The following ST8SIA1 variants were observed in gnomAD, a reference collection of about 807,000 sequenced individuals.
ST8SIA1 encodes the protein alpha-N-acetylneuraminide alpha-2,8-sialyltransferase.
A neutral mutation model predicts 35.9 loss-of-function variants in ST8SIA1; 16 were observed. The ratio of observed to expected loss-of-function variants is 0.45; its 90% CI spans 0.30 to 0.68. The LOEUF (loss-of-function observed/expected upper bound fraction) is 0.68, where lower values mean the gene tolerates loss of function less well. Among genes scored for constraint, ST8SIA1 ranks in the 30% least tolerant of loss-of-function variants. The probability of loss-of-function intolerance (pLI) is 0.09; values close to 1 mark genes in which losing one functional copy is unlikely to be tolerated. For synonymous variants in ST8SIA1, 170 were observed against 169.6 expected, an observed-to-expected ratio of 1.00 and a Z score of -0.02; for missense variants, 383 against 453.6, an observed-to-expected ratio of 0.84 and a Z score of 1.41.
At chr12:22,213,568 T>C (rs1407622013) in intron 4 of ST8SIA1, among the ~76,000 whole-genome samples, 1 of 152,176 alleles carries the variant, frequency 6.6e-6, no homozygotes. Context: ...AAGAGCACTC[T>C]TTGCTGAAAG....
At chr12:22,231,698 C>A (rs981098117) in intron 4 of ST8SIA1, among the ~76,000 whole-genome samples, 29 of 151,970 alleles carry the variant, frequency 1.9e-4, no homozygotes, top group Non-Finnish European at 8.8e-5. Context: ...CTCAGCCCCC[C>A]GAGTAGCTGG....
chr12:22,253,472 G>A (rs79571629), intron 3 of ST8SIA1, among the ~76,000 whole-genome samples: 169 of 152,234 alleles, frequency 1.1e-3, no homozygotes, highest in African/African-American at 4.0e-3. Context: ...CTTGGGAAAG[G>A]TTGTTTCTCT....
chr12:22,264,256 C>T (rs1227192748), intron 2 of ST8SIA1, among the ~76,000 whole-genome samples: 1 of 152,118 alleles, frequency 6.6e-6, no homozygotes, highest in African/African-American at 2.4e-5. Context: ...AATTGCACTG[C>T]CCTGCTCCAG....
chr12:22,318,297 C>T (rs1866544127), intron 1 of ST8SIA1, among the ~76,000 whole-genome samples: 1 of 152,210 alleles, frequency 6.6e-6, no homozygotes, highest in South Asian at 2.1e-4. Context: ...GAAAGAATCA[C>T]TTCCCTTTTT....
chr12:22,201,758 C>G lies in ST8SIA1; in HGVS notation c.865G>C (p.Glu289Gln), dbSNP rs537133913. The part of the protein sequence containing the change: ...LVSAALGLCE[E>Q]VAIYGFWPFS... ...GGCCAGAAGCCATAGATGGCCACCT[C>G]TTCACAGAGACCCAGAGCTGCGCTC... The change falls in exon 5 of 5, where the codon GAG becomes CAG. Residue 289 changes from glutamate to glutamine, a missense_variant. Coordinates refer to ENST00000396037, the MANE Select transcript of ST8SIA1 (RefSeq NM_003034.4). 10 of 1,614,114 alleles carry G rather than the reference C, an allele frequency of 6.2e-6. No homozygotes were observed. The South Asian group carries it at 6.6e-5, about 11-fold the overall frequency.
intron 2 of ST8SIA1, among the ~76,000 whole-genome samples, chr12:22,260,165 CTT>C (rs200518743): frequency 3.5e-5 from 5 of 142,292 alleles, no homozygotes; most frequent in African/African-American, 5.1e-5. Flanking sequence ...TTTTTTCTTC[CTT>C]TTTTTTTTTT....
intron 4 of ST8SIA1, among the ~76,000 whole-genome samples, chr12:22,226,741 C>T (rs1865363459): frequency 6.6e-6 from 1 of 152,038 alleles, no homozygotes; most frequent in Non-Finnish European, 1.5e-5. Context: ...AACTTTATTG[C>T]TTTCTTTGCA....
chr12:22,257,122 G>C (rs1865736844), intron 2 of ST8SIA1, among the ~76,000 whole-genome samples: 1 of 152,208 alleles, frequency 6.6e-6, no homozygotes. Flanking sequence ...AAAATGAGCA[G>C]TGGGTCAGAT....
intron 4 of ST8SIA1, among the ~76,000 whole-genome samples, chr12:22,238,215 G>A (rs1865497610): frequency 6.6e-6 from 1 of 152,132 alleles, no homozygotes; most frequent in African/African-American, 2.4e-5. Context: ...TCTTGTACCT[G>A]GGTGGGACTT....
chr12:22,244,683 C>T (rs1865579251), intron 4 of ST8SIA1, among the ~76,000 whole-genome samples: 1 of 152,120 alleles, frequency 6.6e-6, no homozygotes, highest in Non-Finnish European at 1.5e-5. Context: ...GTCTCAACTC[C>T]TCAGCCAGTC....
intron 4 of ST8SIA1, among the ~76,000 whole-genome samples, chr12:22,225,586 C>CT (rs904224327): frequency 1.3e-5 from 2 of 152,102 alleles, no homozygotes; most frequent in Non-Finnish European, 2.9e-5. Context: ...AAAAATGAAA[C>CT]TTTTTAAGCT....
chr12:22,318,836 A>G (rs961228183), intron 1 of ST8SIA1, among the ~76,000 whole-genome samples: 2 of 152,232 alleles, frequency 1.3e-5, no homozygotes, highest in Non-Finnish European at 2.9e-5. Flanking sequence ...GAAGCCCTGA[A>G]TGCAAATGTG....
At chr12:22,319,496 T>C (rs1866557426) in intron 1 of ST8SIA1, among the ~76,000 whole-genome samples, 1 of 152,224 alleles carries the variant, frequency 6.6e-6, no homozygotes, top group Admixed American at 6.5e-5. Context: ...GTTCTTTCCT[T>C]TTGTAACAGA....
At chr12:22,239,346 G>A (rs781318901) in intron 4 of ST8SIA1, among the ~76,000 whole-genome samples, 8 of 151,684 alleles carry the variant, frequency 5.3e-5, no homozygotes, top group South Asian at 4.2e-4. Context: ...TCATTCTATC[G>A]TCCATGTTTC....
intron 1 of ST8SIA1, among the ~76,000 whole-genome samples, chr12:22,296,966 T>C (rs1866253437): frequency 6.6e-6 from 1 of 152,178 alleles, no homozygotes; most frequent in African/African-American, 2.4e-5. Flanking sequence ...AATTGAACCA[T>C]TTCTCGAATA....
chr12:22,290,943 T>G (rs1044953677), intron 1 of ST8SIA1, among the ~76,000 whole-genome samples: 2 of 152,226 alleles, frequency 1.3e-5, no homozygotes, highest in Admixed American at 6.5e-5. Flanking sequence ...TGCCAGATCA[T>G]TAAGTTTCAG....
At chr12:22,208,959 C>T (rs1190421433) in intron 4 of ST8SIA1, among the ~76,000 whole-genome samples, 1 of 151,944 alleles carries the variant, frequency 6.6e-6, no homozygotes, top group Non-Finnish European at 1.5e-5. Context: ...CTCACATTGT[C>T]CCAAAAATTA....
intron 1 of ST8SIA1, among the ~76,000 whole-genome samples, chr12:22,302,430 C>G (rs1866330041): frequency 6.6e-6 from 1 of 152,164 alleles, no homozygotes; most frequent in Non-Finnish European, 1.5e-5. Context: ...GTGGCCTATA[C>G]CAATTTTCCA....
intron 2 of ST8SIA1, among the ~76,000 whole-genome samples, chr12:22,265,160 T>C (rs17646831): frequency 0.032 from 4,855 of 152,338 alleles, 136 homozygotes; most frequent in Middle Eastern, 0.068. Flanking sequence ...TGACAAAGAC[T>C]GTGTCTATAC....
Sources: gnomAD v4.1 joint callset for allele counts (sites outside exome capture counted in the v4.1 genomes callset) on GRCh38, gnomAD v4.1.1 for gene constraint, MANE v1.5 for transcripts, NCBI Gene and HGNC (gene_info 2026-07-23, HGNC 2026-07-21) for gene names.